The following PCM1 variants were observed in gnomAD, a reference collection of about 807,000 sequenced individuals.
PCM1 encodes pericentriolar material 1 protein.
PCM1 carries 157 observed loss-of-function variants against 241.9 expected under a neutral mutation model. That is an observed-to-expected ratio of 0.65 (90% confidence interval 0.57 to 0.74). The LOEUF (loss-of-function observed/expected upper bound fraction) is 0.74, where lower values mean the gene tolerates loss of function less well. Among genes scored for constraint, PCM1 ranks in the 30% least tolerant of loss-of-function variants. The pLI, the probability that PCM1 is intolerant of heterozygous loss-of-function variation, is 0.00. For missense variants in PCM1, 3,478 were observed against 2,360.1 expected (o/e 1.47, Z -9.81); for synonymous variants, 1,085 against 784.9 (o/e 1.38, Z -6.39).
chr8:17,942,567 T>A (rs2062454035), intron 6 of PCM1, among the ~76,000 whole-genome samples: 1 of 152,196 alleles, frequency 6.6e-6, no homozygotes, highest in South Asian at 2.1e-4. Context: ...TTTAGAAAAA[T>A]TATCCAGTTG....
chr8:17,957,158 A>G, intron 11 of PCM1, 106 bp from the exon 12 acceptor site: 1 of 837,704 alleles, frequency 1.2e-6, no homozygotes, highest in Non-Finnish European at 1.8e-6. Flanking sequence ...TGGAATAGCC[A>G]ACAATGTGCT....
Position 17,964,725 on chromosome 8 carries a change from A to G in PCM1, c.2812A>G (p.Ser938Gly), listed in dbSNP as rs768330489. 2.5e-6 allele frequency: 4 copies of G among 1,613,894 alleles called. No homozygotes were observed. Among genetic ancestry groups the G allele is most frequent in the Admixed American group, 3.3e-5 (2 of 60,032 alleles). ...TAACTTTTCTGTGTGTCCTTCTAACAGTGTGAATCATAACTCCTACAATGG... is the reference window on the plus strand; with the variant it reads ...TAACTTTTCTGTGTGTCCTTCTAACGGTGTGAATCATAACTCCTACAATGG... ...NDNFSVCPSN[S>G]VNHNSYNGKE... Residue 938 changes from serine to glycine, a missense_variant, in exon 18 of 39, where the codon AGT becomes GGT. Coordinates refer to ENST00000325083, the MANE Select transcript of PCM1 (RefSeq NM_006197.4).
intron 25 of PCM1, 102 bp downstream of exon 25, chr8:17,985,721 A>T (rs1033036142): frequency 1.1e-5 from 10 of 939,186 alleles, no homozygotes; most frequent in Non-Finnish European, 1.4e-5. Flanking sequence ...ATGAATTTTC[A>T]TCTGTTCTCT....
chr8:17,963,792 A>G (rs754023925), intron 17 of PCM1, among the ~76,000 whole-genome samples: 3 of 152,178 alleles, frequency 2.0e-5, no homozygotes, highest in Non-Finnish European at 2.9e-5. Flanking sequence ...TTATTTAGCT[A>G]TATAGTAGTA....
chr8:18,011,007 A>G (rs2092418396), intron 32 of PCM1, among the ~76,000 whole-genome samples: 1 of 152,210 alleles, frequency 6.6e-6, no homozygotes, highest in African/African-American at 2.4e-5. Context: ...ATGCTTTTGA[A>G]ACAATATAAA....
chr8:17,979,659 AAACAT>A (rs2080020966), intron 23 of PCM1, among the ~76,000 whole-genome samples: 1 of 152,242 alleles, frequency 6.6e-6, no homozygotes, highest in Non-Finnish European at 1.5e-5. Context: ...ACAAATATAA[AAACAT>A]AACCATGTTC....
intron 36 of PCM1, 67 bp from the exon 37 acceptor site, chr8:18,025,294 C>G (rs1020127352): frequency 6.3e-5 from 53 of 835,010 alleles, no homozygotes; most frequent in Non-Finnish European, 9.4e-5. Flanking sequence ...AAATAATTCA[C>G]TATTTCTTTA....
intron 6 of PCM1, among the ~76,000 whole-genome samples, chr8:17,946,883 G>T (rs1018780968): frequency 1.3e-5 from 2 of 150,404 alleles, no homozygotes; most frequent in African/African-American, 4.9e-5. Context: ...CCATGTGTCC[G>T]TGTCCCTCTT....
intron 2 of PCM1, among the ~76,000 whole-genome samples, chr8:17,928,126 TAC>T (rs1198263299): frequency 1.3e-5 from 2 of 152,208 alleles, no homozygotes; most frequent in African/African-American, 4.8e-5. Context: ...ATTGTTTTCC[TAC>T]AGTTTCAACT....
rs375159731 is a variant in PCM1, at chr8:17,944,170, C to G, written c.784-3016C>G. ...TTATTTTCATCATTGCTAGTTATTT[C>G]GTGTGAGATTGCCCTGTCTTTTAAA... On this transcript the variant is annotated intron_variant, in intron 6 of 38. Coordinates refer to ENST00000325083, the MANE Select transcript of PCM1 (RefSeq NM_006197.4). Among the ~76,000 whole-genome samples the G allele has an allele frequency of 2.6e-5, 4 of 152,216 alleles. No homozygotes were observed. The South Asian group carries it at 6.2e-4, about 24-fold the overall frequency.
chr8:17,941,176 G>C (rs545801927), intron 6 of PCM1, among the ~76,000 whole-genome samples: 1 of 152,302 alleles, frequency 6.6e-6, no homozygotes, highest in South Asian at 2.1e-4. Context: ...TCTATTTACA[G>C]TGGTGCGAGG....
intron 15 of PCM1, among the ~76,000 whole-genome samples, chr8:17,960,767 G>T (rs1473693955): frequency 6.6e-6 from 1 of 151,746 alleles, no homozygotes; most frequent in African/African-American, 2.4e-5. Flanking sequence ...CTCGTGATTC[G>T]CCCGTCTCAG....
chr8:17,945,203 C>T (rs1455453859), intron 6 of PCM1, among the ~76,000 whole-genome samples: 1 of 151,868 alleles, frequency 6.6e-6, no homozygotes, highest in Non-Finnish European at 1.5e-5. Context: ...TGTTTTTTTC[C>T]TAATGATGTA....
At chr8:17,967,263 T>G (rs1397508259) in intron 21 of PCM1, 93 bp downstream of exon 21, 2 of 861,214 alleles carry the variant, frequency 2.3e-6, no homozygotes, top group Non-Finnish European at 3.5e-6. Context: ...ACATTTTCTT[T>G]TGGAGTGGGG....
rs73571765 is a variant in PCM1 at position 17,965,973 on chromosome 8, A to C, written c.2856-26A>C. On this transcript the variant is annotated intron_variant, in intron 18 of 38. Transcript: ENST00000325083. ...AAAAACCAAATTATTATGTATGATG[A>C]CTTAATGCTTTCAATCTTGTGTTAG... 3.2e-3 allele frequency: 4,941 copies of C among 1,553,358 alleles called. 132 individuals are homozygous for C. In the African/African-American group the frequency reaches 0.059, roughly 19 times the overall value.
intron 36 of PCM1, among the ~76,000 whole-genome samples, chr8:18,020,928 C>T (rs570471526): frequency 6.6e-6 from 1 of 152,158 alleles, no homozygotes; most frequent in Non-Finnish European, 1.5e-5. Flanking sequence ...TTCTGCTGCC[C>T]TCACAAGTAG....
chr8:17,972,615 A>G lies in PCM1; in HGVS notation c.3871A>G (p.Lys1291Glu). ...GTCTGCACAGGCCAGCCTGGCATCTAAAGATAAAACTCCCAAGTCAAAAAG... is the reference window on the plus strand; with the variant it reads ...GTCTGCACAGGCCAGCCTGGCATCTGAAGATAAAACTCCCAAGTCAAAAAG... ...KASAQASLAS[K>E]DKTPKSKSKK... is the part of the protein sequence containing the mutation. Residue 1291 changes from lysine (K) to glutamate (E), a missense_variant, in exon 23 of 39, where the codon AAA (lysine) becomes GAA (glutamate). Physicochemically the swap from Lys to Glu is moderately conservative, Grantham distance 56. Transcript: ENST00000325083. The G allele has an allele frequency of 6.3e-7, 1 of 1,590,428 alleles. No homozygotes were observed. The highest frequency in any genetic ancestry group is 8.5e-7 in the Non-Finnish European group (1 of 1,172,330).
rs757307609 is a variant in PCM1 at position 17,987,037 on chromosome 8, A to G, written c.4410+950A>G. 2.6e-5 allele frequency among the ~76,000 whole-genome samples: 4 copies of G among 151,808 alleles called. No homozygotes were observed. The South Asian group carries it at 6.2e-4, about 24-fold the overall frequency. On this transcript the variant is annotated intron_variant, in intron 26 of 38. Coordinates refer to ENST00000325083, the MANE Select transcript of PCM1 (RefSeq NM_006197.4). ...TTAACTTCTACTCGTGTTTAAAATA[A>G]TAACTTCCCCAGCTCATCTTTTCTG...
At chr8:17,954,490 G>T (rs1171228336) in intron 9 of PCM1, among the ~76,000 whole-genome samples, 3 of 151,570 alleles carry the variant, frequency 2.0e-5, no homozygotes, top group Non-Finnish European at 2.9e-5. Context: ...TTAAGTCCTT[G>T]TCGTCAGTTT....
Sources: gnomAD v4.1 joint callset for allele counts (sites outside exome capture counted in the v4.1 genomes callset) on GRCh38, gnomAD v4.1.1 for gene constraint, MANE v1.5 for transcripts, NCBI Gene and HGNC (gene_info 2026-07-23, HGNC 2026-07-21) for gene names.